The following UNC79 variants were observed in gnomAD, a reference collection of about 807,000 sequenced individuals.
The protein encoded by UNC79 is protein unc-79 homolog.
Under a neutral mutation model 283.1 loss-of-function variants are expected in UNC79, and 37 were observed. The ratio of observed to expected loss-of-function variants is 0.13; its 90% CI spans 0.10 to 0.17. The LOEUF (loss-of-function observed/expected upper bound fraction) is 0.17. Among genes scored for constraint, UNC79 ranks in the 10% least tolerant of loss-of-function variants. UNC79 has a pLI of 1.00. For synonymous variants in UNC79, 1,107 were observed against 1,200.2 expected (o/e 0.92, Z 1.61); for missense variants, 2,272 against 3,211.1 (o/e 0.71, Z 7.07).
chr14:93,512,705 T>A (rs72691055), intron 7 of UNC79, among the ~76,000 whole-genome samples: 91 of 152,242 alleles, frequency 6.0e-4, no homozygotes, highest in Admixed American at 9.2e-4. Flanking sequence ...TCTAATTATG[T>A]TTTTAGGTCT....
intron 4 of UNC79, among the ~76,000 whole-genome samples, chr14:93,480,652 A>G (rs1302221910): frequency 1.3e-5 from 2 of 152,236 alleles, no homozygotes; most frequent in Non-Finnish European, 2.9e-5. Flanking sequence ...GTATACAAAG[A>G]CATAGATCCA....
intron 5 of UNC79, among the ~76,000 whole-genome samples, chr14:93,489,664 C>T (rs1261926127): frequency 2.0e-5 from 3 of 152,272 alleles, no homozygotes; most frequent in Non-Finnish European, 4.4e-5. Context: ...GGAGGTCCCA[C>T]CTTCCAAACC....
intron 11 of UNC79, among the ~76,000 whole-genome samples, chr14:93,535,706 C>A (rs930455221): frequency 1.1e-4 from 17 of 152,148 alleles, no homozygotes; most frequent in Non-Finnish European, 2.2e-4. Context: ...GAAACATGGT[C>A]TCTCCCTGTG....
chr14:93,618,240 C>G, exon 29 of UNC79: 1 of 1,613,924 alleles, frequency 6.2e-7, no homozygotes, highest in Non-Finnish European at 8.5e-7. Context: ...GCATCTGATT[C>G]ACATAACAGT....
chr14:93,376,783 C>T (rs1424322940), intron 1 of UNC79, among the ~76,000 whole-genome samples: 1 of 151,474 alleles, frequency 6.6e-6, no homozygotes, highest in African/African-American at 2.4e-5. Flanking sequence ...AAATATACTC[C>T]TAGGTTGGAA....
chr14:93,537,930 T>A, intron 11 of UNC79, 59 bp from the exon 12 acceptor site: 1 of 1,529,216 alleles, frequency 6.5e-7, no homozygotes, highest in Non-Finnish European at 8.8e-7. Flanking sequence ...TTATTCTGAT[T>A]CTTAGCCAAG....
intron 26 of UNC79, among the ~76,000 whole-genome samples, chr14:93,612,235 C>T (rs2066364992): frequency 6.6e-6 from 1 of 152,154 alleles, no homozygotes; most frequent in Non-Finnish European, 1.5e-5. Context: ...ATAATTTTGG[C>T]TATTTCATTT....
intron 1 of UNC79, among the ~76,000 whole-genome samples, chr14:93,418,030 T>G (rs939667625): frequency 3.9e-5 from 6 of 151,950 alleles, no homozygotes; most frequent in African/African-American, 1.4e-4. Flanking sequence ...GTCAAAGTCA[T>G]TCTCTGTCCA....
rs117500994 is a variant in UNC79 at position 93,422,762 on chromosome 14, T to C, written c.-350-44909T>C. Among the ~76,000 whole-genome samples the C allele has an allele frequency of 4.5e-4, 68 of 152,062 alleles. 1 individual carries two copies. The East Asian group carries it at 0.011, about 24-fold the overall frequency. ...GTTTCTATATGCCAACAGCAAACAATCTTAAAAAGAAATCAAGGCCAGGCT... is the reference window on the plus strand; with the variant it reads ...GTTTCTATATGCCAACAGCAAACAACCTTAAAAAGAAATCAAGGCCAGGCT... On this transcript the variant is annotated intron_variant, in intron 1 of 49. Transcript: ENST00000256339.
exon 36 of UNC79, chr14:93,653,818 G>A (rs1450008292): frequency 1.2e-6 from 2 of 1,614,068 alleles, no homozygotes; most frequent in Admixed American, 1.7e-5. Context: ...GGCCCCCAAC[G>A]GCATCTTCCC....
intron 26 of UNC79, among the ~76,000 whole-genome samples, chr14:93,605,874 T>C (rs2065853566): frequency 6.6e-6 from 1 of 152,206 alleles, no homozygotes; most frequent in South Asian, 2.1e-4. Context: ...AAGTCTTTTC[T>C]CTTTTAAAAT....
intron 33 of UNC79, among the ~76,000 whole-genome samples, chr14:93,642,308 C>T (rs1444728556): frequency 6.6e-6 from 1 of 151,696 alleles, no homozygotes; most frequent in Non-Finnish European, 1.5e-5. Flanking sequence ...ACGTGTAGTC[C>T]CAGCTACTCG....
chr14:93,696,199 A>T (rs2075110954), intron 47 of UNC79, among the ~76,000 whole-genome samples: 1 of 152,070 alleles, frequency 6.6e-6, no homozygotes, highest in Admixed American at 6.6e-5. Flanking sequence ...CATTTTCCTT[A>T]TTCATTTATC....
rs545516274 is a variant in UNC79 at position 93,499,095 on chromosome 14, T to C, written c.898+1809T>C. On this transcript the variant is annotated intron_variant, in intron 7 of 48. Transcript: ENST00000555664. ...AAGTGTTAGAGATGGTAATACTTGT[T>C]GTTTGGGCTTTTGGTGGCCCTTGGT... Among the ~76,000 whole-genome samples, 68 of 152,368 alleles carry C rather than the reference T, an allele frequency of 4.5e-4. 1 individual carries two copies. The South Asian group carries it at 8.5e-3, about 19-fold the overall frequency.
intron 26 of UNC79, among the ~76,000 whole-genome samples, chr14:93,606,747 A>G (rs2148564): frequency 0.76 from 116,307 of 152,080 alleles, 45,188 homozygotes; most frequent in African/African-American, 0.89. Flanking sequence ...ACCTTTACAT[A>G]ATACCCACAG....
intron 8 of UNC79, among the ~76,000 whole-genome samples, chr14:93,527,447 C>T (rs2060596545): frequency 1.3e-5 from 2 of 152,178 alleles, no homozygotes; most frequent in Admixed American, 1.3e-4. Flanking sequence ...CTCATTACGT[C>T]TAAGGAAGCA....
chr14:93,465,194 C>T (rs2057122432), intron 1 of UNC79, among the ~76,000 whole-genome samples: 1 of 152,016 alleles, frequency 6.6e-6, no homozygotes, highest in Admixed American at 6.6e-5. Flanking sequence ...ATGAAGAGTC[C>T]ACAATCTATC....
At chr14:93,627,311 C>G (rs1005450845) in intron 30 of UNC79, among the ~76,000 whole-genome samples, 4 of 152,184 alleles carry the variant, frequency 2.6e-5, no homozygotes, top group African/African-American at 7.2e-5. Flanking sequence ...CTCTCCCTCT[C>G]TCAATGGTCT....
At chr14:93,547,226 C>T (rs539802556) in intron 14 of UNC79, among the ~76,000 whole-genome samples, 5 of 152,254 alleles carry the variant, frequency 3.3e-5, no homozygotes, top group Non-Finnish European at 5.9e-5. Flanking sequence ...ATATAATTCC[C>T]GAAATATTTG....
Sources: allele counts gnomAD v4.1 joint callset (sites outside exome capture counted in the v4.1 genomes callset), GRCh38; gene constraint gnomAD v4.1.1; transcripts MANE v1.5; gene names NCBI Gene and HGNC (gene_info 2026-07-23, HGNC 2026-07-21).